The following APP variants were observed in gnomAD, a reference collection of about 807,000 sequenced individuals.
The protein encoded by APP is amyloid beta precursor protein.
In APP, 31 loss-of-function variants were observed where a neutral mutation model predicts 101.4. The ratio of observed to expected loss-of-function variants is 0.31; its 90% confidence interval spans 0.23 to 0.41. APP has a LOEUF of 0.41. APP is among the 10% of genes least tolerant of loss of function. The pLI is 1.00. For missense variants in APP, 839 were observed against 1,003.7 expected (o/e 0.84, Z 2.22); for synonymous variants, 366 against 364.4 (o/e 1.00, Z -0.05).
At position 25,881,285 on chromosome 21, in the gene APP, T is replaced by C. The variant is rs1358542566; in HGVS notation, c.*385A>G. 1 of 272,772 alleles carries C rather than the reference T, an allele frequency of 3.7e-6. No individual in the cohort carries two copies. Among genetic ancestry groups the C allele is most frequent in the African/African-American group, 2.2e-5 (1 of 45,346 alleles). 16.9% of individuals were successfully genotyped at this position (272,772 alleles called of 1,614,324 possible). On this transcript the variant is annotated 3_prime_UTR_variant, in exon 18 of 18. Transcript: ENST00000346798. The stretch of plus-strand genomic sequence containing the variant: ...GTTCACATGAAGCATCCCCCATCGA[T>C]TCTTAAAGCATATGTAAAGTAGGAC...
At chr21:25,998,488 C>G (rs1417133161) in intron 7 of APP, among the ~76,000 whole-genome samples, 1 of 151,950 alleles carries the variant, frequency 6.6e-6, no homozygotes, top group Non-Finnish European at 1.5e-5. Context: ...TGGCAGGAGA[C>G]CAACAGGAGC....
At chr21:26,157,007 A>G (rs1278329972) in intron 1 of APP, among the ~76,000 whole-genome samples, 1 of 152,216 alleles carries the variant, frequency 6.6e-6, no homozygotes, top group South Asian at 2.1e-4. Context: ...TCCAGAAGTG[A>G]TAATTTTCCT....
intron 3 of APP, among the ~76,000 whole-genome samples, chr21:26,056,130 G>A (rs201594610): frequency 7.2e-5 from 11 of 152,104 alleles, no homozygotes; most frequent in South Asian, 2.1e-4. Context: ...TTCGACCTCC[G>A]GGGGTCATGC....
intron 3 of APP, among the ~76,000 whole-genome samples, chr21:26,061,425 A>T (rs967670415): frequency 3.9e-5 from 6 of 152,122 alleles, no homozygotes; most frequent in Admixed American, 3.9e-4. Context: ...TACTCCACAA[A>T]TTTTTTTGTC....
At chr21:26,112,491 C>T (rs2062351595) in intron 1 of APP, among the ~76,000 whole-genome samples, 1 of 152,202 alleles carries the variant, frequency 6.6e-6, no homozygotes, top group South Asian at 2.1e-4. Flanking sequence ...TAAATATAAT[C>T]ACTGTGGAGG....
intron 1 of APP, among the ~76,000 whole-genome samples, chr21:26,149,482 A>T (rs1256321371): frequency 1.3e-5 from 2 of 152,224 alleles, no homozygotes; most frequent in East Asian, 3.8e-4. Flanking sequence ...TATGCCAGAA[A>T]TACAGTTATT....
At chr21:26,132,671 T>C (rs1388874828) in intron 1 of APP, among the ~76,000 whole-genome samples, 1 of 152,210 alleles carries the variant, frequency 6.6e-6, no homozygotes, top group Admixed American at 6.5e-5. Context: ...CTTTGACAGA[T>C]GGTCTCACCC....
chr21:26,003,712 T>C (rs1215938496), intron 6 of APP, among the ~76,000 whole-genome samples: 3 of 152,202 alleles, frequency 2.0e-5, no homozygotes, highest in Non-Finnish European at 2.9e-5. Flanking sequence ...CAGATAGGCC[T>C]TCTCTTAACA....
intron 13 of APP, among the ~76,000 whole-genome samples, chr21:25,943,434 G>GA (rs1212498567): frequency 4.6e-3 from 2 of 438 alleles, no homozygotes; most frequent in Non-Finnish European, 0.022. Flanking sequence ...TTACAGGCGT[G>GA]AGCACCGCAC....
chr21:26,114,322 A>C (rs1038095552), intron 1 of APP, among the ~76,000 whole-genome samples: 1 of 152,172 alleles, frequency 6.6e-6, no homozygotes, highest in Non-Finnish European at 1.5e-5. Flanking sequence ...GGCCCCCAAT[A>C]GTCCCTGCCT....
intron 13 of APP, among the ~76,000 whole-genome samples, chr21:25,926,002 A>G (rs2039880283): frequency 1.3e-5 from 2 of 152,222 alleles, no homozygotes; most frequent in Non-Finnish European, 2.9e-5. Flanking sequence ...CAAACAAAGC[A>G]AGGCATGAGA....
intron 11 of APP, among the ~76,000 whole-genome samples, chr21:25,970,326 G>A (rs1391271718): frequency 6.6e-6 from 1 of 152,074 alleles, no homozygotes; most frequent in Non-Finnish European, 1.5e-5. Flanking sequence ...ATGTACATTT[G>A]TTAAAGCCTC....
At position 26,032,801 on chromosome 21, in the gene APP, A is replaced by T. The variant is rs998109493; in HGVS notation, c.663-10759T>A. On this transcript the variant is annotated intron_variant, in intron 5 of 17. Coordinates refer to ENST00000346798, the MANE Select transcript of APP (RefSeq NM_000484.4). ...TTGGGGCTTATTATTTTAGAAAAAA[A>T]AAAAATATATATATATATATAAAGA... Among the ~76,000 whole-genome samples the T allele has an allele frequency of 4.1e-4, 52 of 128,338 alleles. No individual in the cohort carries two copies. The East Asian group carries it at 5.1e-3, about 13-fold the overall frequency. 84.2% of individuals were successfully genotyped at this position (128,338 alleles called of 152,430 possible). A position where few individuals can be genotyped will look rare whatever the true frequency, so the allele number is the denominator to read the frequency against.
intron 5 of APP, among the ~76,000 whole-genome samples, chr21:26,025,280 T>C (rs1364499065): frequency 6.6e-6 from 1 of 152,246 alleles, no homozygotes; most frequent in African/African-American, 2.4e-5. Context: ...ACCTGATGCA[T>C]GTCATCAGTT....
intron 1 of APP, among the ~76,000 whole-genome samples, chr21:26,114,238 A>G (rs2062388000): frequency 6.6e-6 from 1 of 152,154 alleles, no homozygotes; most frequent in Admixed American, 6.5e-5. Context: ...ATACAAATGC[A>G]CTTGATTCCA....
intron 5 of APP, among the ~76,000 whole-genome samples, chr21:26,026,348 T>C (rs1401224750): frequency 6.6e-6 from 1 of 152,176 alleles, no homozygotes; most frequent in Non-Finnish European, 1.5e-5. Flanking sequence ...GTATCTGAAT[T>C]TAATAAGGTC....
chr21:26,032,787 T>C (rs1242128476), intron 5 of APP, among the ~76,000 whole-genome samples: 2 of 86,652 alleles, frequency 2.3e-5, no homozygotes, highest in African/African-American at 3.7e-5. Context: ...TGGGGCTTAT[T>C]ATTTTAGAAA....
At chr21:26,079,025 A>T (rs1266430525) in intron 3 of APP, among the ~76,000 whole-genome samples, 1 of 147,758 alleles carries the variant, frequency 6.8e-6, no homozygotes, top group South Asian at 2.3e-4. Context: ...CCTGGGCAAC[A>T]AAGAGTGAAA....
chr21:26,027,961 G>A (rs760323286), intron 5 of APP, among the ~76,000 whole-genome samples: 5 of 151,966 alleles, frequency 3.3e-5, no homozygotes, highest in Non-Finnish European at 5.9e-5. Context: ...TTGCGGGGCC[G>A]AGGCAGGCAG....
Sources: gnomAD v4.1 joint callset for allele counts (sites outside exome capture counted in the v4.1 genomes callset) on GRCh38, gnomAD v4.1.1 for gene constraint, MANE v1.5 for transcripts, NCBI Gene and HGNC (gene_info 2026-07-23, HGNC 2026-07-21) for gene names.